DNAJB6: variants seen among roughly 807,000 people sequenced by gnomAD.
DNAJB6 encodes the protein DnaJ heat shock protein family (Hsp40) member B6, also known as dnaJ homolog subfamily B member 6.
Under a neutral mutation model 42.7 loss-of-function variants are expected in DNAJB6, and 16 were observed. The observed-to-expected ratio is 0.37, with a 90% CI of 0.25 to 0.57. The LOEUF (loss-of-function observed/expected upper bound fraction) is 0.57, where lower values mean the gene tolerates loss of function less well. Among genes scored for constraint, DNAJB6 ranks in the 20% least tolerant of loss-of-function variants. DNAJB6 has a pLI of 0.74. For synonymous variants in DNAJB6, 170 were observed against 163.5 expected (o/e 1.04, Z -0.30); for missense variants, 347 against 416.8 (o/e 0.83, Z 1.46).
At chr7:157,390,102 T>C (rs1801266789) in intron 8 of DNAJB6, among the ~76,000 whole-genome samples, 1 of 152,246 alleles carries the variant, frequency 6.6e-6, no homozygotes, top group South Asian at 2.1e-4. Context: ...AAGCATCCCG[T>C]GAGTGCTGGC....
chr7:157,351,156 ACT>A (rs1039548564), intron 1 of DNAJB6, among the ~76,000 whole-genome samples: 2 of 151,404 alleles, frequency 1.3e-5, no homozygotes, highest in Non-Finnish European at 2.9e-5. Context: ...CTGGTCTCGA[ACT>A]CTCTACCTCA....
At chr7:157,339,365 T>A (rs1200454599) in intron 1 of DNAJB6, among the ~76,000 whole-genome samples, 1 of 141,296 alleles carries the variant, frequency 7.1e-6, no homozygotes, top group Admixed American at 7.7e-5. Flanking sequence ...TGGCGCGATC[T>A]CGGCTCACTG....
intron 8 of DNAJB6, among the ~76,000 whole-genome samples, chr7:157,393,336 A>C (rs1030778583): frequency 1.3e-5 from 2 of 152,072 alleles, no homozygotes; most frequent in African/African-American, 4.8e-5. Flanking sequence ...AAACTCTATA[A>C]ATTTTCTAAT....
chr7:157,385,930 A>G, intron 8 of DNAJB6: 3 of 963,622 alleles, frequency 3.1e-6, no homozygotes, highest in Non-Finnish European at 3.9e-6. Context: ...TTGACTCTTT[A>G]GTGTAGGACA....
At chr7:157,373,788 GA>G (rs151132243) in intron 5 of DNAJB6, among the ~76,000 whole-genome samples, 12,025 of 152,240 alleles carry the variant, frequency 0.079, 620 homozygotes, top group Middle Eastern at 0.12. Context: ...TGTTTGTAAT[GA>G]GTGTTCTTTG....
Position 157,402,840 on chromosome 7 carries a change from C to T in DNAJB6, c.692-6955C>T, listed in dbSNP as rs137977603. Among the ~76,000 whole-genome samples, 23 of 152,302 alleles carry T rather than the reference C, an allele frequency of 1.5e-4. No individual in the cohort carries two copies. The East Asian group carries it at 4.2e-3, about 28-fold the overall frequency. ...TGTTAGAATTGGGAACAGTCATCAC[C>T]GTGGGCCACGGAGAAAGTCCACGGA... On this transcript the variant is annotated intron_variant, in intron 8 of 9. Coordinates refer to ENST00000262177, the MANE Select transcript of DNAJB6 (RefSeq NM_058246.4).
chr7:157,383,664 C>T (rs543190425), intron 6 of DNAJB6, among the ~76,000 whole-genome samples: 14 of 151,210 alleles, frequency 9.3e-5, no homozygotes, highest in Non-Finnish European at 2.1e-4. Context: ...AAGCCTTCTC[C>T]ACTTCTGAGG....
At chr7:157,357,000 A>G (rs1799312521) in intron 1 of DNAJB6, among the ~76,000 whole-genome samples, 1 of 150,414 alleles carries the variant, frequency 6.6e-6, no homozygotes, top group African/African-American at 2.5e-5. Context: ...GGACTTCCAT[A>G]AAAACAAGAG....
intron 5 of DNAJB6, among the ~76,000 whole-genome samples, chr7:157,376,935 G>A (rs536082019): frequency 2.0e-5 from 3 of 152,180 alleles, no homozygotes; most frequent in Non-Finnish European, 4.4e-5. Context: ...AGGCAGGACA[G>A]CTCAAAGCAG....
At chr7:157,408,153 C>T (rs879614909) in intron 8 of DNAJB6, among the ~76,000 whole-genome samples, 2 of 152,272 alleles carry the variant, frequency 1.3e-5, no homozygotes, top group Admixed American at 6.5e-5. Flanking sequence ...GAGAGATGTG[C>T]GTGCATTCTC....
chr7:157,358,620 C>T lies in DNAJB6; in HGVS notation c.48C>T (p.Pro16=), dbSNP rs150583876. The change falls in exon 2 of 10, where the codon CCC becomes CCT. Residue 16 remains proline (P), a synonymous_variant. Coordinates refer to ENST00000262177, the MANE Select transcript of DNAJB6 (RefSeq NM_058246.4). The stretch of plus-strand genomic sequence containing the variant: ...TAGGCGTGCAGAGACATGCCTCACC[C>T]GAGGATATTAAAAAGGCGTAAGTAG... ...EVLGVQRHAS[P]EDIKKAYRKL... 1.1e-4 allele frequency: 173 copies of T among 1,613,108 alleles called. 2 individuals carry two copies. The African/African-American group carries it at 1.9e-3, about 18-fold the overall frequency.
At chr7:157,350,523 T>C (rs1798915364) in intron 1 of DNAJB6, among the ~76,000 whole-genome samples, 1 of 152,166 alleles carries the variant, frequency 6.6e-6, no homozygotes, top group African/African-American at 2.4e-5. Context: ...TTCCGGTCAC[T>C]GGCGTTTGTT....
At chr7:157,385,664 A>C (rs755122002) in intron 8 of DNAJB6, 53 bp downstream of exon 8, 1 of 1,607,116 alleles carries the variant, frequency 6.2e-7, no homozygotes, top group Non-Finnish European at 8.5e-7. Context: ...CACGCACTTA[A>C]CAGAAATGTT....
intron 8 of DNAJB6, among the ~76,000 whole-genome samples, chr7:157,391,607 T>G (rs1249995622): frequency 6.6e-6 from 1 of 152,226 alleles, no homozygotes; most frequent in African/African-American, 2.4e-5. Context: ...TGGGCACAGT[T>G]GTCCCCATCC....
intron 8 of DNAJB6, among the ~76,000 whole-genome samples, chr7:157,389,276 AAT>A (rs1801225887): frequency 6.6e-6 from 1 of 152,232 alleles, no homozygotes; most frequent in Non-Finnish European, 1.5e-5. Context: ...AGCACTATAG[AAT>A]GAATTAGAAA....
intron 2 of DNAJB6, 41 bp downstream of exon 2, chr7:157,358,678 G>C (rs1438124256): frequency 1.4e-6 from 2 of 1,474,664 alleles, no homozygotes; most frequent in South Asian, 1.1e-5. Context: ...TTTCACAGTG[G>C]TACATTGGTA....
chr7:157,388,638 T>TGGGG (rs35379241), intron 8 of DNAJB6, among the ~76,000 whole-genome samples: 2 of 143,614 alleles, frequency 1.4e-5, no homozygotes, highest in African/African-American at 5.1e-5. Flanking sequence ...CAATAGCTTT[T>TGGGG]GGGGGGGGGG....
chr7:157,378,331 T>TTTATAAACTG (rs1800575510), intron 5 of DNAJB6: 1 of 152,224 alleles, frequency 6.6e-6, no homozygotes, highest in Admixed American at 6.5e-5. Context: ...TGATCAGTTG[T>TTTATAAACTG]TTATAAATCC....
intron 1 of DNAJB6, among the ~76,000 whole-genome samples, chr7:157,338,569 A>T (rs1798171779): frequency 1.3e-5 from 2 of 152,082 alleles, no homozygotes; most frequent in East Asian, 3.9e-4. Flanking sequence ...TTATGACCTA[A>T]AGTGATCGCC....
Sources: allele counts gnomAD v4.1 joint callset (sites outside exome capture counted in the v4.1 genomes callset), GRCh38; gene constraint gnomAD v4.1.1; transcripts MANE v1.5; gene names NCBI Gene and HGNC (gene_info 2026-07-23, HGNC 2026-07-21).